KCNAB2: variants seen among roughly 807,000 people sequenced by gnomAD.
KCNAB2 encodes the protein voltage-gated potassium channel subunit beta-2.
Under a neutral mutation model 63.6 loss-of-function variants are expected in KCNAB2, and 29 were observed. The ratio of observed to expected loss-of-function variants is 0.46; its 90% CI spans 0.34 to 0.62. KCNAB2 has a LOEUF of 0.62. Ranked by LOEUF, KCNAB2 falls within the 20% of genes least tolerant of loss-of-function variation. KCNAB2 has a pLI of 0.01. For missense variants in KCNAB2, 359 were observed against 563.9 expected (o/e 0.64, Z 3.68); for synonymous variants, 222 against 224.2 (o/e 0.99, Z 0.09).
intron 1 of KCNAB2, among the ~76,000 whole-genome samples, chr1:6,025,127 A>G (rs535221935): frequency 6.6e-6 from 1 of 152,024 alleles, no homozygotes; most frequent in South Asian, 2.1e-4. Context: ...GAGCACCCAG[A>G]CTATTTTATT....
chr1:6,087,697 G>A lies in KCNAB2; in HGVS notation c.470+186G>A, dbSNP rs966586929. On this transcript the variant is annotated intron_variant, in intron 7 of 15. Transcript: ENST00000378083. The surrounding 1 kb of genome is among the most constrained non-coding windows in gnomAD (Gnocchi z 6.4). Reference sequence around the variant, plus strand: ...GTGCCATTTCCTGTCCCCAGCAGGGGCAGAGCTGGTGTTTCTGCAGCCATC... The same window carrying A: ...GTGCCATTTCCTGTCCCCAGCAGGGACAGAGCTGGTGTTTCTGCAGCCATC... Among the ~76,000 whole-genome samples, 1 of 152,230 alleles carries A rather than the reference G, an allele frequency of 6.6e-6. No homozygotes were observed. The highest frequency in any genetic ancestry group is 1.5e-5 in the Non-Finnish European group (1 of 68,042).
rs1486536263 is a variant in KCNAB2, at chr1:6,087,062, CT to C, written c.426-404del. Among the ~76,000 whole-genome samples, 1 of 152,190 alleles carries C rather than the reference CT, an allele frequency of 6.6e-6. No homozygotes were observed. The highest frequency in any genetic ancestry group is 2.4e-5 in the African/African-American group (1 of 41,450). On this transcript the variant is annotated intron_variant, in intron 6 of 15. Transcript: ENST00000378083. The surrounding 1 kb of genome is among the most constrained non-coding windows in gnomAD (Gnocchi z 6.4). ...TCCCCCCAGAGCCCGCCCCTGCCCCCTGGCCCACACCCGGCCTCCTCCAGCC... is the reference window on the plus strand; with the variant it reads ...TCCCCCCAGAGCCCGCCCCTGCCCCCGGCCCACACCCGGCCTCCTCCAGCC...
rs762768121 is a variant in KCNAB2 at position 6,096,741 on chromosome 1, C to T, written c.1054C>T (p.Pro352Ser). The T allele has an allele frequency of 1.3e-5, 21 of 1,585,518 alleles. No individual in the cohort carries two copies. Among genetic ancestry groups the T allele is most frequent in the Admixed American group, 9.1e-5 (5 of 55,186 alleles). ...CGCCGAGCGCCTGGGCTGCACCCTG[C>T]CCCAGCTGGCCATAGGTAACGGTGG... ...AIAERLGCTL[P>S]QLAIAWCLRN... The change falls in exon 14 of 16, where the codon CCC becomes TCC. Residue 352 changes from proline (P) to serine (S), a missense_variant. Physicochemically the swap from Pro to Ser is moderately conservative, Grantham distance 74. Around this residue, in one of 2 missense-constraint regions of KCNAB2, gnomAD observed 271 missense variants for 476.1 expected, o/e 0.57. Transcript: ENST00000378083. This position sits in a 1 kb window ranked among gnomAD's most constrained non-coding sequence, Gnocchi z 5.9.
intron 1 of KCNAB2, among the ~76,000 whole-genome samples, chr1:6,006,611 C>T (rs200210289): frequency 0.015 from 54 of 3,526 alleles, 18 homozygotes; most frequent in Middle Eastern, 0.25. Context: ...CAGCTCAGCT[C>T]CCACATCCCC....
intron 12 of KCNAB2, 23 bp from the exon 13 acceptor site, chr1:6,095,507 C>T (rs757400175): frequency 1.9e-5 from 30 of 1,556,760 alleles, no homozygotes; most frequent in Non-Finnish European, 2.6e-5. Context: ...CAGGGCTTGA[C>T]TCCACCTGCT....
chr1:5,993,955 G>A (rs1656756170), intron 1 of KCNAB2, among the ~76,000 whole-genome samples: 1 of 152,180 alleles, frequency 6.6e-6, no homozygotes, highest in African/African-American at 2.4e-5. Context: ...GACCGCCACT[G>A]GGGGTTGTCT....
intron 1 of KCNAB2, among the ~76,000 whole-genome samples, chr1:6,010,846 G>A (rs1031712537): frequency 1.3e-5 from 2 of 152,244 alleles, no homozygotes; most frequent in African/African-American, 4.8e-5. Flanking sequence ...CCATGAGGGC[G>A]CTCTTCCCCA....
In KCNAB2 at chr1:6,098,631, C is replaced by T. The variant is rs187653734; in HGVS notation, c.*57C>T. The T allele has an allele frequency of 5.6e-4, 896 of 1,587,196 alleles. 4 individuals are homozygous for T. In the African/African-American group the frequency reaches 0.011, roughly 19 times the overall value. On this transcript the variant is annotated 3_prime_UTR_variant, in exon 16 of 16. Transcript: ENST00000378083. ...CGTTCCCTCCTAGTCTCTGTTCGCTCGCTTAAGCTGTTTTGAAGCCAAGTG... is the reference window on the plus strand; with the variant it reads ...CGTTCCCTCCTAGTCTCTGTTCGCTTGCTTAAGCTGTTTTGAAGCCAAGTG...
chr1:6,005,747 C>T (rs918413141), intron 1 of KCNAB2, among the ~76,000 whole-genome samples: 1 of 151,948 alleles, frequency 6.6e-6, no homozygotes, highest in African/African-American at 2.4e-5. Flanking sequence ...GGAGACAGGG[C>T]ACAGCCTCCC....
intron 5 of KCNAB2, among the ~76,000 whole-genome samples, chr1:6,083,851 C>T (rs551414134): frequency 3.9e-5 from 6 of 152,310 alleles, no homozygotes; most frequent in South Asian, 2.1e-4. Context: ...CTGTGTCCCG[C>T]GAACAGATGT....
In KCNAB2 at chr1:6,028,666, G is replaced by A. The variant is rs989917816; in HGVS notation, c.-52-11851G>A. Among the ~76,000 whole-genome samples, 7 of 152,214 alleles carry A rather than the reference G, an allele frequency of 4.6e-5. No homozygotes were observed. Among genetic ancestry groups the A allele is most frequent in the African/African-American group, 1.7e-4 (7 of 41,448 alleles). On this transcript the variant is annotated intron_variant, in intron 1 of 16. Transcript: ENST00000341524. The surrounding 1 kb of genome is among the most constrained non-coding windows in gnomAD (Gnocchi z 4.0). ...CCTGCCCAGAGGAGCTGACCTCCCA[G>A]CAGTCTTACAGGATATGGTTACAGA...
intron 5 of KCNAB2, among the ~76,000 whole-genome samples, chr1:6,084,787 T>TGGG (rs1553131225): frequency 1.3e-5 from 2 of 151,302 alleles, no homozygotes; most frequent in South Asian, 2.1e-4. Flanking sequence ...CTACATTCCA[T>TGGG]TGATAGAGCG....
intron 3 of KCNAB2, 133 bp downstream of exon 3, chr1:6,072,931 G>T (rs1001906100): frequency 8.0e-6 from 6 of 750,008 alleles, no homozygotes; most frequent in African/African-American, 7.0e-5. Context: ...GCTGCACCCA[G>T]AGCCCAGGAT....
chr1:6,089,081 C>A, intron 8 of KCNAB2, 30 bp downstream of exon 8: 1 of 1,545,768 alleles, frequency 6.5e-7, no homozygotes, highest in Non-Finnish European at 8.7e-7. Flanking sequence ...CCTCAGGGCC[C>A]CCATACCTGT....
At chr1:6,098,301 C>A (rs1484633606) in intron 15 of KCNAB2, 184 bp from the exon 16 acceptor site, 57 of 1,412,684 alleles carry the variant, frequency 4.0e-5, no homozygotes, top group Non-Finnish European at 5.1e-5. Flanking sequence ...TGCTTCCTCT[C>A]TGCCCCAAAC....
chr1:6,058,386 G>A (rs971562734), intron 2 of KCNAB2, among the ~76,000 whole-genome samples: 3 of 152,018 alleles, frequency 2.0e-5, no homozygotes, highest in African/African-American at 7.2e-5. Flanking sequence ...GAGTGTCCTG[G>A]GAGGAACCCG....
intron 1 of KCNAB2, among the ~76,000 whole-genome samples, chr1:5,998,523 T>A (rs983660351): frequency 3.3e-5 from 5 of 152,068 alleles, no homozygotes. Flanking sequence ...CCTGACAGTG[T>A]CACCTGGGGG....
chr1:6,030,707 T>C (rs781002191), upstream of KCNAB2, among the ~76,000 whole-genome samples: 2 of 151,704 alleles, frequency 1.3e-5, no homozygotes, highest in Non-Finnish European at 2.9e-5. Context: ...TGTGTGTATG[T>C]GTGTAGGTAT....
At position 6,046,117 on chromosome 1, in the gene KCNAB2, G is replaced by A. The variant is rs1388149928; in HGVS notation, c.-93G>A. 18 of 985,316 alleles carry A rather than the reference G, an allele frequency of 1.8e-5. No homozygotes were observed. The highest frequency in any genetic ancestry group is 1.9e-5 in the Non-Finnish European group (16 of 829,944). 61.0% of individuals were successfully genotyped at this position (985,316 alleles called of 1,614,324 possible). ...AAAGCCGCTGTGCCAGATCCTTAGAGTGTCTGGTGATCCCTAATAAACCAG... is the reference window on the plus strand; with the variant it reads ...AAAGCCGCTGTGCCAGATCCTTAGAATGTCTGGTGATCCCTAATAAACCAG... On this transcript the variant is annotated 5_prime_UTR_variant, in exon 1 of 16. The change creates a new upstream start codon in the 5' untranslated region. Transcript: ENST00000378083.
Sources: gnomAD v4.1 joint callset for allele counts (sites outside exome capture counted in the v4.1 genomes callset) on GRCh38, gnomAD v4.1.1 for gene constraint, gnomAD v4.1.1 regional missense constraint, Gnocchi (gnomAD v3.1) non-coding constraint, MANE v1.5 for transcripts, NCBI Gene and HGNC (gene_info 2026-07-23, HGNC 2026-07-21) for gene names.